The following SPATA13 variants were observed in gnomAD, a reference collection of about 807,000 sequenced individuals.
SPATA13 encodes spermatogenesis-associated protein 13.
Under a neutral mutation model 104.0 loss-of-function variants are expected in SPATA13, and 50 were observed. That is an observed-to-expected ratio of 0.48 (90% CI 0.38 to 0.61). The LOEUF is 0.61. Ranked by LOEUF, SPATA13 falls within the 20% of genes least tolerant of loss-of-function variation. The pLI, the probability that SPATA13 is intolerant of heterozygous loss-of-function variation, is 0.00. For synonymous variants in SPATA13, 606 were observed against 667.5 expected, an observed-to-expected ratio of 0.91 and a Z score of 1.42; for missense variants, 1,524 against 1,690.6, an observed-to-expected ratio of 0.90 and a Z score of 1.73.
At chr13:23,985,663 A>G (rs1875116307) in intron 2 of SPATA13, among the ~76,000 whole-genome samples, 1 of 152,262 alleles carries the variant, frequency 6.6e-6, no homozygotes, top group Non-Finnish European at 1.5e-5. Flanking sequence ...GCTGAAGAAG[A>G]GGAAGAGAAG....
At chr13:23,983,899 A>G (rs1875027631) in exon 2 of SPATA13, 1 of 985,500 alleles carries the variant, frequency 1.0e-6, no homozygotes, top group African/African-American at 1.7e-5. Flanking sequence ...TGCAGATGGC[A>G]AAGCGTAGGC....
chr13:24,059,531 C>T (rs956096805), intron 3 of SPATA13, among the ~76,000 whole-genome samples: 2 of 152,116 alleles, frequency 1.3e-5, no homozygotes, highest in Admixed American at 6.5e-5. Flanking sequence ...AGGTGGAATC[C>T]CCAAAGGAGG....
At chr13:24,271,033 T>A (rs960184473) in intron 4 of SPATA13, 14 of 691,180 alleles carry the variant, frequency 2.0e-5, no homozygotes, top group Non-Finnish European at 3.7e-5. Context: ...TCTCTCTCTC[T>A]CTCTCTCACT....
intron 1 of SPATA13, among the ~76,000 whole-genome samples, chr13:24,222,129 C>A (rs1401081479): frequency 6.6e-6 from 1 of 152,192 alleles, no homozygotes; most frequent in Non-Finnish European, 1.5e-5. Flanking sequence ...TTCTAATATA[C>A]TTCAGCAGCA....
At chr13:24,215,769 C>T (rs192695630) in intron 1 of SPATA13, among the ~76,000 whole-genome samples, 20 of 152,216 alleles carry the variant, frequency 1.3e-4, no homozygotes, top group African/African-American at 4.8e-4. Flanking sequence ...AGATTTGGGC[C>T]AGTCTGCCTC....
At chr13:24,104,022 C>A (rs922537711) in intron 3 of SPATA13, among the ~76,000 whole-genome samples, 4 of 152,144 alleles carry the variant, frequency 2.6e-5, no homozygotes, top group African/African-American at 9.7e-5. Flanking sequence ...TTTCCTGCAG[C>A]CTTTCTCATT....
chr13:24,136,201 G>A (rs1467580939), intron 3 of SPATA13, among the ~76,000 whole-genome samples: 1 of 152,192 alleles, frequency 6.6e-6, no homozygotes, highest in Non-Finnish European at 1.5e-5. Context: ...AAACAATCAT[G>A]TGGCTTATGC....
At chr13:24,156,050 T>C (rs1473719260), upstream of SPATA13, among the ~76,000 whole-genome samples, 2 of 152,230 alleles carry the variant, frequency 1.3e-5, no homozygotes, top group African/African-American at 4.8e-5. Flanking sequence ...TTCCATTGTA[T>C]GTATTTACTA....
chr13:24,015,748 C>A (rs1485220759), intron 2 of SPATA13, among the ~76,000 whole-genome samples: 1 of 151,552 alleles, frequency 6.6e-6, no homozygotes, highest in Non-Finnish European at 1.5e-5. Context: ...GGCCCCCCCC[C>A]AATTCCTAGG....
intron 1 of SPATA13, among the ~76,000 whole-genome samples, chr13:24,202,670 A>G (rs1056507993): frequency 6.6e-6 from 1 of 151,490 alleles, no homozygotes; most frequent in Non-Finnish European, 1.5e-5. Context: ...GGAATCTTGC[A>G]AAATACAGAC....
At chr13:24,056,423 G>A (rs1180163521) in intron 3 of SPATA13, among the ~76,000 whole-genome samples, 1 of 152,178 alleles carries the variant, frequency 6.6e-6, no homozygotes, top group Admixed American at 6.5e-5. Context: ...CTTTAGGCTT[G>A]TTATTCCATT....
intron 1 of SPATA13, among the ~76,000 whole-genome samples, chr13:24,218,111 C>T (rs539739455): frequency 6.6e-6 from 1 of 152,318 alleles, no homozygotes; most frequent in South Asian, 2.1e-4. Flanking sequence ...AACATCTCCT[C>T]AAAGTCCACA....
chr13:24,260,116 C>A (rs572477555), intron 4 of SPATA13, among the ~76,000 whole-genome samples: 1 of 152,292 alleles, frequency 6.6e-6, no homozygotes, highest in South Asian at 2.1e-4. Flanking sequence ...TGGGAAAAAC[C>A]ACCACAACTG....
intron 3 of SPATA13, among the ~76,000 whole-genome samples, chr13:24,078,135 C>T (rs1214790404): frequency 1.3e-5 from 2 of 152,160 alleles, no homozygotes; most frequent in African/African-American, 2.4e-5. Flanking sequence ...GCCTGCCTGC[C>T]ACCTGCTCGC....
intron 3 of SPATA13, among the ~76,000 whole-genome samples, chr13:24,062,649 A>G (rs1377129139): frequency 6.6e-6 from 1 of 152,136 alleles, no homozygotes; most frequent in African/African-American, 2.4e-5. Flanking sequence ...GGAACTGTGT[A>G]AGGAAGACCC....
chr13:24,298,857 A>G (rs191219790), intron 11 of SPATA13, among the ~76,000 whole-genome samples: 2 of 152,312 alleles, frequency 1.3e-5, no homozygotes, highest in African/African-American at 2.4e-5. Flanking sequence ...CTAAAACGGA[A>G]GCAGGGATCG....
chr13:24,032,270 G>T (rs1237398694), intron 3 of SPATA13, among the ~76,000 whole-genome samples: 5 of 152,136 alleles, frequency 3.3e-5, no homozygotes, highest in Non-Finnish European at 7.3e-5. Context: ...ACTTGCCCAT[G>T]CTGTATTCAA....
intron 9 of SPATA13, among the ~76,000 whole-genome samples, chr13:24,292,585 A>G (rs1271188443): frequency 2.0e-5 from 3 of 152,186 alleles, no homozygotes; most frequent in Admixed American, 6.5e-5. Flanking sequence ...GGAAATTTCT[A>G]TGGCAAACCA....
chr13:24,220,313 G>A (rs1327061835), intron 1 of SPATA13, among the ~76,000 whole-genome samples: 2 of 152,142 alleles, frequency 1.3e-5, no homozygotes, highest in African/African-American at 4.8e-5. Context: ...CCCTCTGGTG[G>A]TGTCAGGAAG....
Sources: allele counts gnomAD v4.1 joint callset (sites outside exome capture counted in the v4.1 genomes callset), GRCh38; gene constraint gnomAD v4.1.1; transcripts MANE v1.5; gene names NCBI Gene and HGNC (gene_info 2026-07-23, HGNC 2026-07-21).